IGSF10: variants seen among roughly 807,000 people sequenced by gnomAD.
IGSF10 encodes the protein calvaria mechanical force protein 608.
In IGSF10, 126 loss-of-function variants were observed where a neutral mutation model predicts 128.2. That is an observed-to-expected ratio of 0.98 (90% CI 0.85 to 1.14). The LOEUF (loss-of-function observed/expected upper bound fraction) is 1.14, where lower values mean the gene tolerates loss of function less well. Among genes scored for constraint, IGSF10 ranks in the 50% most tolerant of loss-of-function variants. IGSF10 has a pLI of 0.00. For synonymous variants in IGSF10, 1,185 were observed against 1,146.2 expected (o/e 1.03, Z -0.68); for missense variants, 3,295 against 3,149.8 (o/e 1.05, Z -1.10).
intron 6 of IGSF10, 84 bp downstream of exon 6, chr3:151,444,835 T>A: frequency 6.9e-6 from 9 of 1,297,472 alleles, no homozygotes; most frequent in Non-Finnish European, 9.4e-6. Context: ...TGATACTGAT[T>A]CTTTGGATGT....
the IGSF10 span, among the ~76,000 whole-genome samples, chr3:151,599,607 G>A: frequency 1.3e-5 from 2 of 152,048 alleles, no homozygotes; most frequent in African/African-American, 4.8e-5. Flanking sequence ...ATTTTCAATG[G>A]ACTTAATGAT....
chr3:151,500,973 G>C, the IGSF10 span, among the ~76,000 whole-genome samples: 1 of 143,798 alleles, frequency 7.0e-6, no homozygotes, highest in East Asian at 2.0e-4. Context: ...GAAGTCACAT[G>C]ATATTATGTA....
chr3:151,474,947 C>G, the IGSF10 span, among the ~76,000 whole-genome samples: 6 of 152,164 alleles, frequency 3.9e-5, no homozygotes, highest in African/African-American at 1.4e-4. Context: ...CCCACTGGGT[C>G]CCTCCCACAA....
the IGSF10 span, among the ~76,000 whole-genome samples, chr3:151,489,140 C>G: frequency 6.6e-6 from 1 of 152,116 alleles, no homozygotes; most frequent in Non-Finnish European, 1.5e-5. Flanking sequence ...AAGAAACAAA[C>G]AACCTCATCA....
the IGSF10 span, among the ~76,000 whole-genome samples, chr3:151,585,886 G>A: frequency 6.6e-6 from 1 of 152,022 alleles, no homozygotes; most frequent in Non-Finnish European, 1.5e-5. Context: ...ATTAAATAAG[G>A]CAATTCAGAA....
chr3:151,546,872 G>A, the IGSF10 span, among the ~76,000 whole-genome samples: 636 of 152,230 alleles, frequency 4.2e-3, 3 homozygotes, highest in African/African-American at 0.015. Flanking sequence ...CCGGGTTCAA[G>A]CAATTATCCT....
the IGSF10 span, among the ~76,000 whole-genome samples, chr3:151,521,570 G>A: frequency 1.1e-4 from 16 of 151,848 alleles, no homozygotes; most frequent in African/African-American, 3.1e-4. Context: ...TCAAAACCAC[G>A]CAATTACATG....
chr3:151,531,601 T>C, the IGSF10 span, among the ~76,000 whole-genome samples: 1 of 152,044 alleles, frequency 6.6e-6, no homozygotes, highest in Non-Finnish European at 1.5e-5. Flanking sequence ...AATAATGAAA[T>C]GAAGACAGAA....
the IGSF10 span, among the ~76,000 whole-genome samples, chr3:151,537,656 T>C: frequency 2.0e-5 from 3 of 152,226 alleles, no homozygotes; most frequent in Non-Finnish European, 4.4e-5. Context: ...TAATGGCCTG[T>C]TATTGACAAA....
In IGSF10 at chr3:151,446,839, CAGA is replaced by C; in HGVS notation, c.3139_3141del (p.Ser1047del). 6.2e-7 allele frequency: 1 copy of C among 1,614,144 alleles called. No homozygotes were observed. Among genetic ancestry groups the C allele is most frequent in the Non-Finnish European group, 8.5e-7 (1 of 1,180,010 alleles). ...GCTGAGAATGCAGTAGTGCTTTTTTCAGAAGAACCTCTGGTTGTTGACCTGAAA... is the reference window on the plus strand; with the variant it reads ...GCTGAGAATGCAGTAGTGCTTTTTTCAGAACCTCTGGTTGTTGACCTGAAA... On this transcript the variant is annotated inframe_deletion, in exon 6 of 8. Transcript: ENST00000282466.
chr3:151,453,209 CCA>C (rs906473664), intron 5 of IGSF10, among the ~76,000 whole-genome samples, 173 bp downstream of exon 5: 2 of 152,148 alleles, frequency 1.3e-5, no homozygotes, highest in Admixed American at 6.5e-5. Context: ...TACTTGACTG[CCA>C]CAGTTGCCAA....
the IGSF10 span, among the ~76,000 whole-genome samples, chr3:151,544,448 T>G: frequency 6.6e-6 from 1 of 152,240 alleles, no homozygotes; most frequent in Non-Finnish European, 1.5e-5. Context: ...CAAGAAAGAA[T>G]GCATGGAATG....
the IGSF10 span, among the ~76,000 whole-genome samples, chr3:151,545,511 T>C: frequency 6.6e-6 from 1 of 152,224 alleles, no homozygotes; most frequent in Non-Finnish European, 1.5e-5. Context: ...TTTTTGGTCT[T>C]ATGGTTTAGC....
the IGSF10 span, among the ~76,000 whole-genome samples, chr3:151,590,894 C>T: frequency 1.3e-5 from 2 of 152,170 alleles, no homozygotes; most frequent in African/African-American, 2.4e-5. Flanking sequence ...CTAGGGAGCT[C>T]TAATTTATAT....
the IGSF10 span, among the ~76,000 whole-genome samples, chr3:151,507,005 T>C: frequency 2.0e-5 from 3 of 152,210 alleles, no homozygotes; most frequent in Non-Finnish European, 4.4e-5. Context: ...TATAATTAGA[T>C]ACTTGCTTGA....
intron 4 of IGSF10, among the ~76,000 whole-genome samples, chr3:151,454,932 G>A (rs1560182064): frequency 6.6e-6 from 1 of 152,100 alleles, no homozygotes; most frequent in African/African-American, 2.4e-5. Flanking sequence ...TTTGAACTTG[G>A]AAGGTGGAGG....
At chr3:151,538,740 G>A in the IGSF10 span, among the ~76,000 whole-genome samples, 4 of 152,114 alleles carry the variant, frequency 2.6e-5, no homozygotes, top group Non-Finnish European at 5.9e-5. Context: ...CAAGTCTAGC[G>A]CAGTGTCTGG....
the IGSF10 span, among the ~76,000 whole-genome samples, chr3:151,557,321 C>G: frequency 6.6e-6 from 1 of 152,082 alleles, no homozygotes; most frequent in African/African-American, 2.4e-5. Context: ...GAAGAACAGA[C>G]AGTTGTCCAG....
chr3:151,490,873 G>T, the IGSF10 span, among the ~76,000 whole-genome samples: 1 of 152,076 alleles, frequency 6.6e-6, no homozygotes, highest in African/African-American at 2.4e-5. Flanking sequence ...GATGAAGTAA[G>T]AGCAGTTTTG....
Sources: gnomAD v4.1 joint callset for allele counts (sites outside exome capture counted in the v4.1 genomes callset) on GRCh38, gnomAD v4.1.1 for gene constraint, MANE v1.5 for transcripts, NCBI Gene and HGNC (gene_info 2026-07-23, HGNC 2026-07-21) for gene names.